LMO7: variants seen among roughly 807,000 people sequenced by gnomAD.
LMO7 encodes the protein LIM domain only protein 7.
In LMO7, 120 loss-of-function variants were observed where a neutral mutation model predicts 206.5. The observed-to-expected ratio is 0.58, with a 90% CI of 0.50 to 0.68. The LOEUF is 0.68. LMO7 is among the 30% of genes least tolerant of loss of function. The probability of loss-of-function intolerance (pLI) is 0.00; values close to 1 mark genes in which losing one functional copy is unlikely to be tolerated. For missense variants in LMO7, 1,959 were observed against 1,957.9 expected (o/e 1.00, Z -0.01); for synonymous variants, 706 against 681.5 (o/e 1.04, Z -0.56).
At chr13:75,674,828 T>G (rs1415141165) in intron 1 of LMO7, among the ~76,000 whole-genome samples, 5 of 152,218 alleles carry the variant, frequency 3.3e-5, no homozygotes, top group Admixed American at 6.5e-5. Context: ...TGAAAAAGTA[T>G]TATTTGAACA....
At chr13:75,707,251 AGTATATT>A (rs1224741121) in intron 1 of LMO7, among the ~76,000 whole-genome samples, 9 of 151,964 alleles carry the variant, frequency 5.9e-5, no homozygotes, top group Admixed American at 5.9e-4. Flanking sequence ...AATTACTGTT[AGTATATT>A]TATTCCATGT....
At chr13:75,702,219 G>A (rs1594375827) in intron 1 of LMO7, among the ~76,000 whole-genome samples, 1 of 152,092 alleles carries the variant, frequency 6.6e-6, no homozygotes, top group Non-Finnish European at 1.5e-5. Flanking sequence ...CACACAACCC[G>A]GAGCATTGCA....
chr13:75,653,129 G>T (rs184269441), intron 1 of LMO7, among the ~76,000 whole-genome samples: 2 of 152,076 alleles, frequency 1.3e-5, no homozygotes, highest in Non-Finnish European at 2.9e-5. Flanking sequence ...TAGATATTCA[G>T]TAAAATTATT....
chr13:75,809,725 T>G (rs1459413792), intron 11 of LMO7, among the ~76,000 whole-genome samples: 1 of 151,782 alleles, frequency 6.6e-6, no homozygotes, highest in Non-Finnish European at 1.5e-5. Context: ...GATTCCTGAT[T>G]AGGAAAAAAA....
rs540073228 is a variant in LMO7 at position 75,705,291 on chromosome 13, G to C, written c.70-7891G>C. Among the ~76,000 whole-genome samples, 16 of 152,322 alleles carry C rather than the reference G, an allele frequency of 1.1e-4. 1 individual carries two copies. In the East Asian group the frequency reaches 3.1e-3, roughly 29 times the overall value. The stretch of plus-strand genomic sequence containing the variant: ...TCACTTGTGTACTATGAAGTAGATA[G>C]GGCAAATATTAATTTCCCTTTTAAA... On this transcript the variant is annotated intron_variant, in intron 1 of 30. Coordinates refer to ENST00000377534, the MANE Select transcript of LMO7 (RefSeq NM_001306080.2).
chr13:75,851,468 G>T (rs1193810413), intron 27 of LMO7, among the ~76,000 whole-genome samples: 1 of 152,250 alleles, frequency 6.6e-6, no homozygotes, highest in Non-Finnish European at 1.5e-5. Flanking sequence ...GGGCAGGTGA[G>T]TCGTGAGACA....
At chr13:75,802,082 C>G (rs2054821307) in intron 7 of LMO7, among the ~76,000 whole-genome samples, 1 of 152,252 alleles carries the variant, frequency 6.6e-6, no homozygotes, top group Non-Finnish European at 1.5e-5. Context: ...ACATCATTAA[C>G]TAGAATTTAT....
chr13:75,819,345 G>T lies in LMO7; in HGVS notation c.2065-48G>T. ...TGGCACATTCTGTCTGCTAGAAAGG[G>T]TGTATAGAAATTCAGGTGTGCCCCT... On this transcript the variant is annotated intron_variant, in intron 12 of 30. Coordinates refer to ENST00000377534, the MANE Select transcript of LMO7 (RefSeq NM_001306080.2). The T allele has an allele frequency of 3.2e-6, 5 of 1,542,560 alleles. No homozygotes were observed. The South Asian group carries it at 5.2e-5, about 16-fold the overall frequency.
At chr13:75,646,832 G>A (rs1401564289) in intron 1 of LMO7, among the ~76,000 whole-genome samples, 1 of 152,114 alleles carries the variant, frequency 6.6e-6, no homozygotes, top group East Asian at 1.9e-4. Context: ...TGATATGTGT[G>A]CCTCAGCCTC....
chr13:75,762,006 G>T (rs1385257070), intron 4 of LMO7, among the ~76,000 whole-genome samples: 1 of 152,078 alleles, frequency 6.6e-6, no homozygotes, highest in Admixed American at 6.6e-5. Flanking sequence ...TTTTTCTGAA[G>T]AAAAATAACC....
chr13:75,742,770 G>A (rs890430097), intron 3 of LMO7, among the ~76,000 whole-genome samples: 37 of 152,096 alleles, frequency 2.4e-4, no homozygotes, highest in Admixed American at 2.4e-3. Flanking sequence ...TATAAAAATT[G>A]TGGAAGACAA....
At chr13:75,816,578 A>G (rs1036714336) in intron 11 of LMO7, among the ~76,000 whole-genome samples, 2 of 152,238 alleles carry the variant, frequency 1.3e-5, no homozygotes, top group African/African-American at 2.4e-5. Flanking sequence ...GAAGAGGGTT[A>G]TAGAGGTAGT....
At chr13:75,658,089 G>A (rs1284910924) in intron 1 of LMO7, among the ~76,000 whole-genome samples, 1 of 151,066 alleles carries the variant, frequency 6.6e-6, no homozygotes, top group East Asian at 1.9e-4. Flanking sequence ...AGTTTTCCTA[G>A]CACCATATAT....
chr13:75,819,558 G>A (rs770714431), intron 13 of LMO7, 23 bp downstream of exon 13: 13 of 1,548,042 alleles, frequency 8.4e-6, no homozygotes, highest in African/African-American at 2.8e-5. Flanking sequence ...AATGCACCTC[G>A]GTTGTAACAG....
At chr13:75,680,601 TG>T (rs1040778347) in intron 1 of LMO7, among the ~76,000 whole-genome samples, 1 of 151,964 alleles carries the variant, frequency 6.6e-6, no homozygotes, top group Non-Finnish European at 1.5e-5. Flanking sequence ...CTTTAAGTTC[TG>T]GGGTCCATGT....
chr13:75,642,571 C>T (rs895394395), intron 1 of LMO7, among the ~76,000 whole-genome samples: 5 of 151,776 alleles, frequency 3.3e-5, no homozygotes, highest in Admixed American at 1.3e-4. Context: ...CCACTGCACT[C>T]CAGCCTGGGT....
upstream of LMO7, chr13:75,636,241 G>T (rs1268041127): frequency 1.0e-6 from 1 of 963,388 alleles, no homozygotes; most frequent in Non-Finnish European, 1.2e-6. Context: ...CGGAAGCGGC[G>T]ACTCGGCGGG....
At chr13:75,839,284 C>T (rs1441548742) in intron 20 of LMO7, among the ~76,000 whole-genome samples, 1 of 152,144 alleles carries the variant, frequency 6.6e-6, no homozygotes, top group East Asian at 1.9e-4. Context: ...CTAATTTTCT[C>T]CCATTTTTCT....
intron 1 of LMO7, among the ~76,000 whole-genome samples, chr13:75,711,237 C>T (rs1167659525): frequency 6.6e-6 from 1 of 152,130 alleles, no homozygotes; most frequent in East Asian, 1.9e-4. Context: ...TGATGTTCAT[C>T]AGGGATATTG....
Sources: gnomAD v4.1 joint callset for allele counts (sites outside exome capture counted in the v4.1 genomes callset) on GRCh38, gnomAD v4.1.1 for gene constraint, MANE v1.5 for transcripts, NCBI Gene and HGNC (gene_info 2026-07-23, HGNC 2026-07-21) for gene names.